The following LRP1B variants were observed in gnomAD, a reference collection of about 807,000 sequenced individuals.
LRP1B encodes the protein low-density lipoprotein receptor-related protein 1B.
A neutral mutation model predicts 556.6 loss-of-function variants in LRP1B; 217 were observed. That is an observed-to-expected ratio of 0.39 (90% confidence interval 0.35 to 0.44). The LOEUF (loss-of-function observed/expected upper bound fraction) is 0.44. Ranked by LOEUF, LRP1B falls within the 20% of genes least tolerant of loss-of-function variation. LRP1B has a pLI of 1.00. For synonymous variants in LRP1B, 2,047 were observed against 1,865.8 expected, an observed-to-expected ratio of 1.10 and a Z score of -2.50; for missense variants, 5,053 against 5,620.8, an observed-to-expected ratio of 0.90 and a Z score of 3.23.
chr2:141,415,602 A>T (rs1691068772), intron 3 of LRP1B, among the ~76,000 whole-genome samples: 1 of 152,142 alleles, frequency 6.6e-6, no homozygotes, highest in Admixed American at 6.5e-5. Context: ...TTCCTCCTCG[A>T]CTTACTCCAC....
At chr2:141,408,380 G>T (rs538509851) in intron 3 of LRP1B, among the ~76,000 whole-genome samples, 1 of 151,786 alleles carries the variant, frequency 6.6e-6, no homozygotes, top group Non-Finnish European at 1.5e-5. Context: ...TCCTGACCTC[G>T]TGATCTGACC....
intron 2 of LRP1B, among the ~76,000 whole-genome samples, chr2:141,582,300 T>C (rs989286642): frequency 4.6e-5 from 7 of 152,218 alleles, no homozygotes; most frequent in Non-Finnish European, 7.3e-5. Context: ...CATTCAAGAA[T>C]TAAAGCAAAC....
intron 1 of LRP1B, among the ~76,000 whole-genome samples, chr2:142,072,650 C>A (rs1229926887): frequency 6.6e-6 from 1 of 151,834 alleles, no homozygotes. Context: ...TTGTATGTGG[C>A]CCAAGACAAT....
intron 1 of LRP1B, among the ~76,000 whole-genome samples, chr2:141,810,637 T>C (rs17747853): frequency 0.1 from 15,179 of 152,076 alleles, 833 homozygotes; most frequent in Middle Eastern, 0.16. Context: ...GTTCTGGAAA[T>C]AGTTAAAAAT....
intron 3 of LRP1B, among the ~76,000 whole-genome samples, chr2:141,467,565 A>G (rs1055937098): frequency 6.6e-6 from 1 of 152,124 alleles, no homozygotes; most frequent in African/African-American, 2.4e-5. Context: ...CTGAAGGCAG[A>G]TAGACGAACT....
intron 3 of LRP1B, among the ~76,000 whole-genome samples, chr2:141,467,077 T>TAC (rs1336493003): frequency 3.5e-5 from 5 of 142,512 alleles, no homozygotes; most frequent in African/African-American, 8.3e-5. Context: ...GATATATATA[T>TAC]ACACACACAC....
At chr2:141,517,281 C>CACACACACACACACACATACACACAG (rs1684360577) in intron 2 of LRP1B, among the ~76,000 whole-genome samples, 2 of 79,848 alleles carry the variant, frequency 2.5e-5, no homozygotes, top group Non-Finnish European at 6.4e-5. Context: ...CAGACACACA[C>CACACACACACACACACATACACACAG]ACACACACCT....
In LRP1B at chr2:141,171,030, T is replaced by G. The variant is rs1680478383; in HGVS notation, c.1013+17391A>C. Among the ~76,000 whole-genome samples the G allele has an allele frequency of 2.0e-5, 3 of 152,140 alleles. No homozygotes were observed. In the South Asian group the frequency reaches 6.2e-4, roughly 32 times the overall value. Reference sequence around the variant, plus strand: ...TAAATAAAACTAGTAGGCTTTATTTTTTATGGCAGTTTTATGTTTATGGGA... The same window carrying G: ...TAAATAAAACTAGTAGGCTTTATTTGTTATGGCAGTTTTATGTTTATGGGA... On this transcript the variant is annotated intron_variant, in intron 7 of 90. Coordinates refer to ENST00000389484, the MANE Select transcript of LRP1B (RefSeq NM_018557.3).
chr2:140,278,880 C>T (rs1205488967), intron 84 of LRP1B, among the ~76,000 whole-genome samples: 2 of 151,924 alleles, frequency 1.3e-5, no homozygotes, highest in Admixed American at 1.3e-4. Flanking sequence ...TTGCTCACTA[C>T]ACTCCAGCCC....
At chr2:141,553,965 T>C (rs1391617930) in intron 2 of LRP1B, among the ~76,000 whole-genome samples, 1 of 139,066 alleles carries the variant, frequency 7.2e-6, no homozygotes, top group African/African-American at 2.6e-5. Flanking sequence ...ATATAGATTA[T>C]ATATCTACAT....
intron 18 of LRP1B, among the ~76,000 whole-genome samples, chr2:140,965,807 T>TTG (rs1426680217): frequency 9.9e-5 from 15 of 151,208 alleles, no homozygotes; most frequent in African/African-American, 3.2e-4. Context: ...ATGCAGTGTT[T>TTG]TTTTTTTTTT....
At chr2:140,528,787 T>A (rs1487954225) in intron 47 of LRP1B, among the ~76,000 whole-genome samples, 6 of 151,968 alleles carry the variant, frequency 3.9e-5, no homozygotes, top group African/African-American at 1.4e-4. Context: ...AAAAAAAAAA[T>A]CTACAGAAAT....
intron 23 of LRP1B, among the ~76,000 whole-genome samples, chr2:140,890,651 C>A (rs755158304): frequency 1.6e-4 from 24 of 152,080 alleles, no homozygotes; most frequent in Non-Finnish European, 2.9e-4. Flanking sequence ...TCTATTTGAA[C>A]TCTTAATCTA....
At chr2:140,998,152 T>C (rs997678844) in intron 15 of LRP1B, among the ~76,000 whole-genome samples, 3 of 152,056 alleles carry the variant, frequency 2.0e-5, no homozygotes, top group African/African-American at 7.2e-5. Flanking sequence ...CAGAAGGTGA[T>C]AAAGATCACA....
At chr2:141,243,145 A>T (rs2679453) in intron 5 of LRP1B, among the ~76,000 whole-genome samples, 4,548 of 146,198 alleles carry the variant, frequency 0.031, 92 homozygotes, top group South Asian at 0.087. Context: ...TATTATTTTT[A>T]TTTTTTTTTT....
At chr2:141,352,763 C>T (rs1688490322) in intron 3 of LRP1B, among the ~76,000 whole-genome samples, 1 of 151,982 alleles carries the variant, frequency 6.6e-6, no homozygotes, top group African/African-American at 2.4e-5. Context: ...CAGCCTTGGT[C>T]ATATGAAATG....
intron 32 of LRP1B, among the ~76,000 whole-genome samples, chr2:140,791,547 T>C (rs535767418): frequency 6.6e-6 from 1 of 152,356 alleles, no homozygotes; most frequent in South Asian, 2.1e-4. Context: ...TATGATGTTA[T>C]TTTGTCCTGA....
At chr2:141,473,816 CAACTATAT>C (rs375230043) in intron 3 of LRP1B, among the ~76,000 whole-genome samples, 78,092 of 151,806 alleles carry the variant, frequency 0.51, 20,384 homozygotes, top group South Asian at 0.73. Context: ...AAGTGTTATG[CAACTATAT>C]ACCTCTTCTC....
chr2:140,273,579 G>A (rs768765675), intron 85 of LRP1B, among the ~76,000 whole-genome samples: 43 of 152,020 alleles, frequency 2.8e-4, no homozygotes, highest in Middle Eastern at 3.4e-3. Flanking sequence ...TAACTCATTC[G>A]GCACCCTTGG....
Sources: gnomAD v4.1 joint callset for allele counts (sites outside exome capture counted in the v4.1 genomes callset) on GRCh38, gnomAD v4.1.1 for gene constraint, MANE v1.5 for transcripts, NCBI Gene and HGNC (gene_info 2026-07-23, HGNC 2026-07-21) for gene names.